The following IGF2BP1 variants were observed in gnomAD, a reference collection of about 807,000 sequenced individuals.
The protein encoded by IGF2BP1 is insulin-like growth factor 2 mRNA-binding protein 1.
Under a neutral mutation model 74.9 loss-of-function variants are expected in IGF2BP1, and 11 were observed. The ratio of observed to expected loss-of-function variants is 0.15; its 90% CI spans 0.09 to 0.24. IGF2BP1 has a LOEUF of 0.24. Among genes scored for constraint, IGF2BP1 ranks in the 10% least tolerant of loss-of-function variants. The probability of loss-of-function intolerance (pLI) is 1.00; values close to 1 mark genes in which losing one functional copy is unlikely to be tolerated. For missense variants in IGF2BP1, 440 were observed against 757.4 expected, an observed-to-expected ratio of 0.58 and a Z score of 4.92; for synonymous variants, 287 against 281.8, an observed-to-expected ratio of 1.02 and a Z score of -0.18.
chr17:49,013,617 C>T (rs1009352884), intron 2 of IGF2BP1: 2 of 152,422 alleles, frequency 1.3e-5, no homozygotes, highest in African/African-American at 4.8e-5. Context: ...ACAGGACCAC[C>T]TCAGTCACAG....
intron 1 of IGF2BP1, among the ~76,000 whole-genome samples, chr17:48,998,345 C>A (rs1233982936): frequency 1.3e-5 from 2 of 152,386 alleles, no homozygotes; most frequent in Non-Finnish European, 2.9e-5. Flanking sequence ...AGTCTTAGGC[C>A]TTTCCAGGCG....
In IGF2BP1 at chr17:49,051,309, T is replaced by G. The variant is rs2042164437; in HGVS notation, c.*1865T>G. ...TTCTTACAACATGAGCCAGTAACCCTTTAGGAACTCTCTATGGAGAACAGG... is the reference window on the plus strand; with the variant it reads ...TTCTTACAACATGAGCCAGTAACCCGTTAGGAACTCTCTATGGAGAACAGG... On this transcript the variant is annotated 3_prime_UTR_variant, in exon 15 of 15. Transcript: ENST00000290341. 1 of 152,636 alleles carries G rather than the reference T, an allele frequency of 6.6e-6. No individual in the cohort carries two copies. Among genetic ancestry groups the G allele is most frequent in the Non-Finnish European group, 1.5e-5 (1 of 68,040 alleles). The allele number at this position is 152,636 out of a possible 1,614,324, so 9.5% of individuals were successfully genotyped here.
intron 2 of IGF2BP1, among the ~76,000 whole-genome samples, chr17:49,023,007 C>T (rs1055828281): frequency 1.3e-5 from 2 of 152,224 alleles, no homozygotes; most frequent in African/African-American, 4.8e-5. Flanking sequence ...ACTAGGTCTG[C>T]GTTCTCAACC....
At chr17:48,998,079 C>T (rs1352424130) in intron 1 of IGF2BP1, among the ~76,000 whole-genome samples, 159 bp downstream of exon 1, 12 of 152,098 alleles carry the variant, frequency 7.9e-5, no homozygotes, top group Admixed American at 5.9e-4. Flanking sequence ...TGCCCCCTCC[C>T]TCGCTCTGCG....
chr17:49,005,220 C>G (rs990742505), intron 2 of IGF2BP1, among the ~76,000 whole-genome samples: 6 of 152,158 alleles, frequency 3.9e-5, no homozygotes, highest in Non-Finnish European at 8.8e-5. Flanking sequence ...ACAGGTAAGT[C>G]ACAGAAAAGT....
At position 49,026,695 on chromosome 17, in the gene IGF2BP1, GCCTT is replaced by G. The variant is rs1555599045; in HGVS notation, c.337+182_337+185del. Among the ~76,000 whole-genome samples, 238 of 136,652 alleles carry G rather than the reference GCCTT, an allele frequency of 1.7e-3. 1 individual carries two copies. The highest frequency in any genetic ancestry group is 2.2e-3 in the Non-Finnish European group (132 of 61,096). 89.6% of individuals were successfully genotyped at this position (136,652 alleles called of 152,430 possible). ...TTCCTTCCTGCCTTCCTGCCTTCCT[GCCTT>G]CCTGCCTTCCTGCCTTCCTGCCTGC... is the stretch of plus-strand genomic sequence containing the variant. On this transcript the variant is annotated intron_variant, in intron 4 of 14. Transcript: ENST00000290341.
intron 3 of IGF2BP1, among the ~76,000 whole-genome samples, chr17:49,026,027 G>T (rs568232886): frequency 4.0e-5 from 6 of 151,708 alleles, no homozygotes; most frequent in Admixed American, 3.9e-4. Context: ...AGCTAATTTT[G>T]TGTTTTTATT....
intron 11 of IGF2BP1, among the ~76,000 whole-genome samples, chr17:49,044,706 A>G (rs1034604349): frequency 7.9e-5 from 12 of 152,254 alleles, no homozygotes; most frequent in African/African-American, 2.9e-4. Context: ...CCTGTTGGCA[A>G]GACTCCACTG....
chr17:48,996,907 T>A (rs980786574), upstream of IGF2BP1, among the ~76,000 whole-genome samples: 1 of 152,052 alleles, frequency 6.6e-6, no homozygotes, highest in African/African-American at 2.4e-5. Flanking sequence ...GGTTCCTTTC[T>A]TTTTAAATCA....
chr17:49,039,543 G>A (rs1036906149), intron 6 of IGF2BP1, among the ~76,000 whole-genome samples: 4 of 152,054 alleles, frequency 2.6e-5, no homozygotes, highest in African/African-American at 7.2e-5. Flanking sequence ...TTGTGCCTCA[G>A]CCTCCTTAGT....
chr17:49,030,702 C>A (rs2041911918), intron 4 of IGF2BP1, among the ~76,000 whole-genome samples: 1 of 151,720 alleles, frequency 6.6e-6, no homozygotes, highest in African/African-American at 2.4e-5. Context: ...CTTTGGCTTA[C>A]TGCAACCTCC....
chr17:49,028,879 C>A (rs930461904), intron 4 of IGF2BP1, among the ~76,000 whole-genome samples: 1 of 152,138 alleles, frequency 6.6e-6, no homozygotes, highest in Non-Finnish European at 1.5e-5. Context: ...GCGATCTTGG[C>A]TCATTGCAAC....
At chr17:49,000,012 T>C (rs557513719) in intron 2 of IGF2BP1, among the ~76,000 whole-genome samples, 26 of 151,696 alleles carry the variant, frequency 1.7e-4, no homozygotes, top group South Asian at 2.1e-4. Flanking sequence ...CAAAATGGGG[T>C]ACCTCCATCA....
chr17:49,001,780 G>A (rs1356198761), intron 2 of IGF2BP1, among the ~76,000 whole-genome samples: 1 of 152,094 alleles, frequency 6.6e-6, no homozygotes, highest in Non-Finnish European at 1.5e-5. Flanking sequence ...AAAACCAAAT[G>A]CATTTAAAAA....
intron 2 of IGF2BP1, among the ~76,000 whole-genome samples, chr17:49,019,993 TATACAC>T (rs1388840048): frequency 0.011 from 991 of 87,290 alleles, 46 homozygotes; most frequent in African/African-American, 0.042. Context: ...CACACATATA[TATACAC>T]ACACACACAC....
At chr17:49,019,858 C>T (rs2041755587) in intron 2 of IGF2BP1, among the ~76,000 whole-genome samples, 1 of 132,938 alleles carries the variant, frequency 7.5e-6, no homozygotes, top group Admixed American at 7.9e-5. Flanking sequence ...ATCCTCCCAT[C>T]TCAGCTTCCT....
At position 49,051,874 on chromosome 17, in the gene IGF2BP1, C is replaced by CTA. The variant is rs550194448; in HGVS notation, c.*2432_*2433dup. 4 of 151,674 alleles carry CTA rather than the reference C, an allele frequency of 2.6e-5. No individual in the cohort carries two copies. The East Asian group carries it at 7.8e-4, about 29-fold the overall frequency. The allele number at this position is 151,674 out of a possible 1,614,324, so 9.4% of individuals were successfully genotyped here. A position where few individuals can be genotyped will look rare whatever the true frequency, so the allele number is the denominator to read the frequency against. On this transcript the variant is annotated 3_prime_UTR_variant, in exon 15 of 15. Coordinates refer to ENST00000290341, the MANE Select transcript of IGF2BP1 (RefSeq NM_006546.4). ...ATTGTTTCATTTCAGTTCCGTCTTG[C>CTA]TATTCTTCCTAATCTATATCCATAG...
chr17:49,036,267 T>A (rs1366695041), intron 5 of IGF2BP1: 2 of 152,160 alleles, frequency 1.3e-5, no homozygotes, highest in Non-Finnish European at 2.9e-5. Context: ...TGGGGAGCGT[T>A]GCGAGATTGT....
At chr17:49,014,775 C>T (rs1478870623) in intron 2 of IGF2BP1, 1 of 985,248 alleles carries the variant, frequency 1.0e-6, no homozygotes, top group Non-Finnish European at 1.2e-6. Flanking sequence ...CCATCGTCAT[C>T]AGGGGGCACT....
Sources: gnomAD v4.1 joint callset for allele counts (sites outside exome capture counted in the v4.1 genomes callset) on GRCh38, gnomAD v4.1.1 for gene constraint, MANE v1.5 for transcripts, NCBI Gene and HGNC (gene_info 2026-07-23, HGNC 2026-07-21) for gene names.